GREB1L: variants seen among roughly 807,000 people sequenced by gnomAD.
The protein encoded by GREB1L is GREB1-like protein.
A neutral mutation model predicts 200.8 loss-of-function variants in GREB1L; 17 were observed. The ratio of observed to expected loss-of-function variants is 0.08; its 90% CI spans 0.06 to 0.13. The LOEUF (loss-of-function observed/expected upper bound fraction) is 0.13. GREB1L is among the 10% of genes least tolerant of loss of function. GREB1L has a pLI of 1.00. For synonymous variants in GREB1L, 789 were observed against 893.0 expected (o/e 0.88, Z 2.08); for missense variants, 1,657 against 2,367.7 (o/e 0.70, Z 6.23).
chr18:21,490,572 CT>C (rs948948178), intron 19 of GREB1L, among the ~76,000 whole-genome samples: 3 of 148,400 alleles, frequency 2.0e-5, no homozygotes, highest in Admixed American at 1.4e-4. Context: ...TGCAGTTGGT[CT>C]TCCATGCTCT....
intron 16 of GREB1L, among the ~76,000 whole-genome samples, chr18:21,476,702 A>G (rs985876305): frequency 4.6e-5 from 7 of 151,394 alleles, no homozygotes; most frequent in African/African-American, 1.5e-4. Context: ...CCGAGTAGCT[A>G]GGATTACAGG....
chr18:21,451,788 G>A (rs2034539234), intron 13 of GREB1L, among the ~76,000 whole-genome samples: 1 of 152,036 alleles, frequency 6.6e-6, no homozygotes. Context: ...GAACCACTGC[G>A]CCCAGCCTGG....
Position 21,449,579 on chromosome 18 carries a change from T to G in GREB1L, c.1463T>G (p.Leu488Arg). 1 of 1,551,464 alleles carries G rather than the reference T, an allele frequency of 6.4e-7. No individual in the cohort carries two copies. ...IMLKAMQEFTLRERALQIGAQ... is the reference protein window; with the variant it reads ...IMLKAMQEFTRRERALQIGAQ... Reference sequence around the variant, plus strand: ...CTGAAAGCTATGCAAGAATTTACTCTGAGAGAAAGAGCCCTGCAGATAGGT... The same window carrying G: ...CTGAAAGCTATGCAAGAATTTACTCGGAGAGAAAGAGCCCTGCAGATAGGT... Residue 488 changes from leucine (L) to arginine (R), a missense_variant, in exon 12 of 33, where the codon CTG becomes CGG. By Grantham distance (102) the Leu-to-Arg change is moderately radical. This residue lies in a region of GREB1L where 289 missense variants were observed against 345.1 expected (regional missense o/e 0.84). Transcript: ENST00000424526.
chr18:21,473,436 A>C (rs1598895371), intron 16 of GREB1L, among the ~76,000 whole-genome samples: 1 of 151,904 alleles, frequency 6.6e-6, no homozygotes, highest in Non-Finnish European at 1.5e-5. Context: ...TGGGCCTGGT[A>C]GTGCATGCCT....
rs2037649554 is a variant in GREB1L at position 21,524,289 on chromosome 18, A to G, written c.*1468A>G. On this transcript the variant is annotated 3_prime_UTR_variant, in exon 33 of 33. Transcript: ENST00000424526. ...ACAAGGAGTTTACAAAGCTAGTGAAAAAATGGAATGTATTAGACTAAAAAT... is the reference window on the plus strand; with the variant it reads ...ACAAGGAGTTTACAAAGCTAGTGAAGAAATGGAATGTATTAGACTAAAAAT... 1 of 152,216 alleles carries G rather than the reference A, an allele frequency of 6.6e-6. No individual in the cohort carries two copies. Among genetic ancestry groups the G allele is most frequent in the East Asian group, 1.9e-4 (1 of 5,206 alleles). The allele number at this position is 152,216 out of a possible 1,614,324, so 9.4% of individuals were successfully genotyped here. A position where few individuals can be genotyped will look rare whatever the true frequency, so the allele number is the denominator to read the frequency against.
In GREB1L at chr18:21,525,502, TG is replaced by T. The variant is rs1452564715; in HGVS notation, c.*2683del. ...GACTCTGGCAATGTCCTAAAAAGGC[TG>T]GAAGTCAGTCACATTATAGGTTGGA... On this transcript the variant is annotated 3_prime_UTR_variant, in exon 33 of 33. Coordinates refer to ENST00000424526, the MANE Select transcript of GREB1L (RefSeq NM_001142966.3). 6.6e-6 allele frequency: 1 copy of T among 152,166 alleles called. No individual in the cohort carries two copies. Among genetic ancestry groups the T allele is most frequent in the Non-Finnish European group, 1.5e-5 (1 of 68,010 alleles). The allele number at this position is 152,166 out of a possible 1,614,324, so 9.4% of individuals were successfully genotyped here.
At chr18:21,392,124 T>A (rs2040844595) in intron 4 of GREB1L, among the ~76,000 whole-genome samples, 1 of 152,248 alleles carries the variant, frequency 6.6e-6, no homozygotes, top group African/African-American at 2.4e-5. Context: ...TAGATCAGTT[T>A]ATTCATATAC....
chr18:21,321,154 C>T (rs1282187914), intron 1 of GREB1L, among the ~76,000 whole-genome samples: 2 of 151,384 alleles, frequency 1.3e-5, no homozygotes, highest in African/African-American at 4.9e-5. Flanking sequence ...ATTAGCCAGG[C>T]ATGGTGGCAT....
At chr18:21,485,574 A>G (rs540364065) in intron 17 of GREB1L, 46 bp from the exon 18 acceptor site, 5 of 1,520,308 alleles carry the variant, frequency 3.3e-6, no homozygotes, top group African/African-American at 1.4e-5. Context: ...AACAAGACAC[A>G]CTGTATCCTG....
chr18:21,505,957 C>T lies in GREB1L; in HGVS notation c.4368+8C>T. The stretch of plus-strand genomic sequence containing the variant: ...TTCACCTCTGCCTCCCAGGTACCAT[C>T]CCACCTTCGCCCTCGCCCTCTGTCA... On this transcript the variant is annotated splice_region_variant and intron_variant, in intron 25 of 32. Transcript: ENST00000424526. 1 of 1,549,366 alleles carries T rather than the reference C, an allele frequency of 6.5e-7. No homozygotes were observed. Among genetic ancestry groups the T allele is most frequent in the East Asian group, 2.4e-5 (1 of 40,862 alleles).
At chr18:21,330,965 T>C (rs946556338) in intron 1 of GREB1L, among the ~76,000 whole-genome samples, 2 of 152,242 alleles carry the variant, frequency 1.3e-5, no homozygotes, top group African/African-American at 4.8e-5. Context: ...GCATACAGTA[T>C]AGGTTATAAC....
At chr18:21,508,796 T>G in intron 27 of GREB1L, 1 of 593,280 alleles carries the variant, frequency 1.7e-6, no homozygotes, top group East Asian at 2.9e-5. Context: ...TTTGCAGAAT[T>G]AACTCTGAGG....
intron 1 of GREB1L, among the ~76,000 whole-genome samples, chr18:21,335,419 C>G (rs1178412288): frequency 6.6e-6 from 1 of 152,062 alleles, no homozygotes; most frequent in Non-Finnish European, 1.5e-5. Context: ...TCAAGAAGGT[C>G]TTCATTCCAA....
chr18:21,378,235 A>G (rs2040156859), intron 2 of GREB1L, among the ~76,000 whole-genome samples: 1 of 152,184 alleles, frequency 6.6e-6, no homozygotes, highest in African/African-American at 2.4e-5. Context: ...GGCATATGAC[A>G]TTTAGAATAT....
intron 4 of GREB1L, among the ~76,000 whole-genome samples, chr18:21,392,419 G>A (rs2040863085): frequency 6.6e-6 from 1 of 151,984 alleles, no homozygotes; most frequent in South Asian, 2.1e-4. Flanking sequence ...GAAGTAATAT[G>A]ACCGACATAT....
intron 7 of GREB1L, among the ~76,000 whole-genome samples, chr18:21,430,669 T>C (rs2033076412): frequency 6.8e-6 from 1 of 146,016 alleles, no homozygotes; most frequent in African/African-American, 2.5e-5. Flanking sequence ...CAATCTTGGC[T>C]CACAGCAACC....
At chr18:21,397,656 G>A (rs1672707186) in intron 5 of GREB1L, among the ~76,000 whole-genome samples, 1 of 152,128 alleles carries the variant, frequency 6.6e-6, no homozygotes, top group Non-Finnish European at 1.5e-5. Context: ...AGCCAAGATG[G>A]CGCCCCTGCA....
At chr18:21,418,712 A>G (rs1340611762) in intron 7 of GREB1L, among the ~76,000 whole-genome samples, 3 of 151,894 alleles carry the variant, frequency 2.0e-5, no homozygotes, top group African/African-American at 7.3e-5. Flanking sequence ...TTTATTAGAG[A>G]CAGGGTTTCA....
At chr18:21,305,167 G>A (rs760009090) in intron 1 of GREB1L, among the ~76,000 whole-genome samples, 1 of 151,910 alleles carries the variant, frequency 6.6e-6, no homozygotes, top group Non-Finnish European at 1.5e-5. Flanking sequence ...GTAGAGACGG[G>A]GTTTCACCAT....
Sources: allele counts gnomAD v4.1 joint callset (sites outside exome capture counted in the v4.1 genomes callset), GRCh38; gene constraint gnomAD v4.1.1; regional missense constraint gnomAD v4.1.1; transcripts MANE v1.5; gene names NCBI Gene and HGNC (gene_info 2026-07-23, HGNC 2026-07-21).